INPP4B: variants seen among roughly 807,000 people sequenced by gnomAD.
INPP4B encodes inositol polyphosphate 4-phosphatase type II.
A neutral mutation model predicts 122.5 loss-of-function variants in INPP4B; 55 were observed. That is an observed-to-expected ratio of 0.45 (90% CI 0.36 to 0.56). The LOEUF is 0.56. Among genes scored for constraint, INPP4B ranks in the 20% least tolerant of loss-of-function variants. The pLI, the probability that INPP4B is intolerant of heterozygous loss-of-function variation, is 0.00. For synonymous variants in INPP4B, 403 were observed against 388.7 expected, an observed-to-expected ratio of 1.04 and a Z score of -0.43; for missense variants, 1,000 against 1,097.7, an observed-to-expected ratio of 0.91 and a Z score of 1.26.
intron 15 of INPP4B, among the ~76,000 whole-genome samples, chr4:142,191,831 A>T (rs1835963898): frequency 6.6e-6 from 1 of 152,206 alleles, no homozygotes. Flanking sequence ...GAAAAATCAG[A>T]ATAAGAACTA....
intron 8 of INPP4B, among the ~76,000 whole-genome samples, chr4:142,309,251 T>A (rs896640177): frequency 1.3e-5 from 2 of 152,124 alleles, no homozygotes; most frequent in Non-Finnish European, 2.9e-5. Context: ...CAAAGTATTT[T>A]TTAAAAAGTC....
chr4:142,297,958 G>A (rs1759514341), intron 9 of INPP4B, among the ~76,000 whole-genome samples: 1 of 152,156 alleles, frequency 6.6e-6, no homozygotes, highest in South Asian at 2.1e-4. Flanking sequence ...AACCACCCTG[G>A]AAGGGAGTTT....
chr4:142,681,805 T>C (rs1183084889), intron 2 of INPP4B, among the ~76,000 whole-genome samples: 1 of 151,882 alleles, frequency 6.6e-6, no homozygotes, highest in Non-Finnish European at 1.5e-5. Context: ...TTCTTAAAAT[T>C]CAACATGACA....
intron 7 of INPP4B, among the ~76,000 whole-genome samples, chr4:142,327,647 A>C (rs977118086): frequency 1.3e-5 from 2 of 152,158 alleles, no homozygotes; most frequent in Non-Finnish European, 2.9e-5. Flanking sequence ...CTTTAGAATC[A>C]CCTGAAGAAG....
intron 1 of INPP4B, among the ~76,000 whole-genome samples, chr4:142,778,040 C>T (rs1277464602): frequency 6.6e-6 from 1 of 152,156 alleles, no homozygotes; most frequent in Non-Finnish European, 1.5e-5. Flanking sequence ...GCACAGGTCT[C>T]AAAATCATGA....
At chr4:142,055,181 A>C (rs1011289497) in intron 25 of INPP4B, among the ~76,000 whole-genome samples, 1 of 152,130 alleles carries the variant, frequency 6.6e-6, no homozygotes, top group Non-Finnish European at 1.5e-5. Flanking sequence ...TGGAGAAAAC[A>C]ACCAAGAACA....
chr4:142,681,692 G>A (rs1331530092), intron 2 of INPP4B, among the ~76,000 whole-genome samples: 1 of 151,712 alleles, frequency 6.6e-6, no homozygotes, highest in African/African-American at 2.4e-5. Flanking sequence ...AGAAATGAAG[G>A]TTGCTAGCGA....
chr4:142,573,595 C>A (rs1328530491), intron 2 of INPP4B, among the ~76,000 whole-genome samples: 2 of 152,148 alleles, frequency 1.3e-5, no homozygotes, highest in African/African-American at 4.8e-5. Flanking sequence ...AGCTTCCCAC[C>A]CTCAAATTCC....
At chr4:142,566,311 A>G (rs1196139256) in intron 2 of INPP4B, 4 of 152,224 alleles carry the variant, frequency 2.6e-5, no homozygotes, top group Non-Finnish European at 5.9e-5. Flanking sequence ...TAATGGCCAT[A>G]GAAATGGAGA....
chr4:142,462,927 G>T (rs996506544), intron 2 of INPP4B, among the ~76,000 whole-genome samples: 5 of 152,170 alleles, frequency 3.3e-5, no homozygotes. Context: ...AGCCCATAGA[G>T]CCCCTCTAGA....
In INPP4B at chr4:142,366,786, T is replaced by A. The variant is rs79277604; in HGVS notation, c.372+36152A>T. On this transcript the variant is annotated intron_variant, in intron 7 of 25. Transcript: ENST00000262992. ...GAGTGAAAGTTTGTCAGTATCTCTG[T>A]CAGCAAAATGCTATGTAACAAACCA... Among the ~76,000 whole-genome samples, 761 of 152,254 alleles carry A rather than the reference T, an allele frequency of 5.0e-3. 6 individuals carry two copies. Among genetic ancestry groups the A allele is most frequent in the African/African-American group, 0.017 (714 of 41,558 alleles).
intron 2 of INPP4B, among the ~76,000 whole-genome samples, chr4:142,539,838 G>A (rs62328348): frequency 0.37 from 56,506 of 151,802 alleles, 12,267 homozygotes; most frequent in Non-Finnish European, 0.51. Context: ...ATGAATTAGC[G>A]TACTTTAGAT....
At chr4:142,354,022 T>C (rs947699562) in intron 7 of INPP4B, among the ~76,000 whole-genome samples, 1 of 152,002 alleles carries the variant, frequency 6.6e-6, no homozygotes, top group African/African-American at 2.4e-5. Flanking sequence ...TTAATTGACA[T>C]AATGCCGTTC....
intron 2 of INPP4B, among the ~76,000 whole-genome samples, chr4:142,589,323 C>T (rs933596838): frequency 6.6e-5 from 10 of 151,962 alleles, no homozygotes; most frequent in Admixed American, 2.6e-4. Flanking sequence ...CAAAAACTTC[C>T]TCTGCAAAAG....
chr4:142,300,577 A>G lies in INPP4B; in HGVS notation c.503+4881T>C, dbSNP rs79742212. ...AAATAAATATTCATTGTGAGGAAGC[A>G]AAATGTTCTAAAATGATATAGATTC... On this transcript the variant is annotated intron_variant, in intron 9 of 25. Transcript: ENST00000262992. Among the ~76,000 whole-genome samples, 1,043 of 152,324 alleles carry G rather than the reference A, an allele frequency of 6.8e-3. 19 individuals are homozygous for G. The highest frequency in any genetic ancestry group is 0.024 in the African/African-American group (989 of 41,576).
At chr4:142,530,509 A>G (rs927188584) in intron 2 of INPP4B, among the ~76,000 whole-genome samples, 1 of 151,166 alleles carries the variant, frequency 6.6e-6, no homozygotes, top group African/African-American at 2.4e-5. Context: ...ACAAATATAC[A>G]TGCATATATT....
intron 18 of INPP4B, among the ~76,000 whole-genome samples, chr4:142,145,039 T>C (rs1366258290): frequency 6.6e-6 from 1 of 152,122 alleles, no homozygotes; most frequent in Non-Finnish European, 1.5e-5. Context: ...CAGCAGTTCC[T>C]ACTGCCGTAA....
At chr4:142,435,661 C>T (rs960952426) in intron 3 of INPP4B, among the ~76,000 whole-genome samples, 1 of 152,204 alleles carries the variant, frequency 6.6e-6, no homozygotes, top group African/African-American at 2.4e-5. Flanking sequence ...GGTGTGGCTG[C>T]CCACCTGAGA....
chr4:142,673,320 T>G (rs1757261985), intron 2 of INPP4B, among the ~76,000 whole-genome samples: 1 of 152,054 alleles, frequency 6.6e-6, no homozygotes, highest in Admixed American at 6.6e-5. Flanking sequence ...AAAGTAGAGA[T>G]AGTGCAATTT....
Sources: gnomAD v4.1 joint callset for allele counts (sites outside exome capture counted in the v4.1 genomes callset) on GRCh38, gnomAD v4.1.1 for gene constraint, MANE v1.5 for transcripts, NCBI Gene and HGNC (gene_info 2026-07-23, HGNC 2026-07-21) for gene names.